TMEM178A: variants seen among roughly 807,000 people sequenced by gnomAD.
TMEM178A encodes transmembrane protein 178.
In TMEM178A, 12 loss-of-function variants were observed where a neutral mutation model predicts 29.1. The ratio of observed to expected loss-of-function variants is 0.41; its 90% CI spans 0.26 to 0.67. The LOEUF (loss-of-function observed/expected upper bound fraction) is 0.67, where lower values mean the gene tolerates loss of function less well. Among genes scored for constraint, TMEM178A ranks in the 30% least tolerant of loss-of-function variants. The pLI, the probability that TMEM178A is intolerant of heterozygous loss-of-function variation, is 0.29. For missense variants in TMEM178A, 366 were observed against 419.1 expected, an observed-to-expected ratio of 0.87 and a Z score of 1.11; for synonymous variants, 210 against 187.2, an observed-to-expected ratio of 1.12 and a Z score of -0.99.
At chr2:39,676,937 TA>T (rs1436427999) in intron 1 of TMEM178A, among the ~76,000 whole-genome samples, 1 of 152,230 alleles carries the variant, frequency 6.6e-6, no homozygotes, top group Non-Finnish European at 1.5e-5. Context: ...TGAGTCTCTT[TA>T]ATCTCTAGAG....
chr2:39,720,428 C>T (rs898701962), downstream of TMEM178A, among the ~76,000 whole-genome samples: 7 of 152,182 alleles, frequency 4.6e-5, no homozygotes, highest in Admixed American at 2.0e-4. Flanking sequence ...CCACCCACTC[C>T]AGATCTTTGC....
the TMEM178A span, among the ~76,000 whole-genome samples, chr2:39,723,981 A>G: frequency 1.3e-5 from 2 of 152,192 alleles, no homozygotes; most frequent in African/African-American, 4.8e-5. Context: ...CTATATTTCT[A>G]AGCCAGAGCA....
the TMEM178A span, among the ~76,000 whole-genome samples, chr2:39,727,897 C>G: frequency 6.6e-6 from 1 of 152,128 alleles, no homozygotes; most frequent in African/African-American, 2.4e-5. Flanking sequence ...TGAACTCATC[C>G]TTTTTTATGG....
chr2:39,715,737 A>G (rs1672507230), intron 3 of TMEM178A, among the ~76,000 whole-genome samples: 1 of 152,194 alleles, frequency 6.6e-6, no homozygotes, highest in South Asian at 2.1e-4. Flanking sequence ...GATTCAGGCA[A>G]CGTGCTCTTA....
At chr2:39,706,912 G>T (rs1354986200) in intron 2 of TMEM178A, 137 bp from the exon 3 acceptor site, 1 of 952,172 alleles carries the variant, frequency 1.1e-6, no homozygotes, top group Admixed American at 3.1e-5. Context: ...TATTCCCTAT[G>T]CCTCCTTGTC....
At chr2:39,727,186 T>C in the TMEM178A span, among the ~76,000 whole-genome samples, 1 of 152,338 alleles carries the variant, frequency 6.6e-6, no homozygotes, top group Non-Finnish European at 1.5e-5. Context: ...GGTATCCTCT[T>C]GCTCCTGCTC....
At chr2:39,723,950 C>G in the TMEM178A span, among the ~76,000 whole-genome samples, 1 of 152,182 alleles carries the variant, frequency 6.6e-6, no homozygotes, top group African/African-American at 2.4e-5. Context: ...AGTTACTGCT[C>G]TATAGTTTTT....
At chr2:39,708,067 C>T (rs1280227519) in intron 3 of TMEM178A, among the ~76,000 whole-genome samples, 3 of 152,092 alleles carry the variant, frequency 2.0e-5, no homozygotes, top group Non-Finnish European at 2.9e-5. Context: ...TGTGGAGAGA[C>T]ATAAACAATG....
intron 1 of TMEM178A, among the ~76,000 whole-genome samples, chr2:39,675,535 G>A (rs888698617): frequency 1.3e-5 from 2 of 152,178 alleles, no homozygotes; most frequent in Non-Finnish European, 2.9e-5. Context: ...TGATTCTGCG[G>A]TATTATTTTG....
intron 1 of TMEM178A, among the ~76,000 whole-genome samples, chr2:39,702,028 A>C (rs1456455705): frequency 2.0e-5 from 3 of 151,814 alleles, no homozygotes; most frequent in Non-Finnish European, 2.9e-5. Context: ...TTGTAAGGTA[A>C]GTTCAATATT....
chr2:39,708,328 TG>T (rs1672132306), intron 3 of TMEM178A, among the ~76,000 whole-genome samples: 2 of 151,310 alleles, frequency 1.3e-5, no homozygotes, highest in East Asian at 3.9e-4. Flanking sequence ...GTCAGGGTTT[TG>T]TTGGTCATGG....
At chr2:39,696,380 G>A (rs878938646) in intron 1 of TMEM178A, among the ~76,000 whole-genome samples, 2 of 152,146 alleles carry the variant, frequency 1.3e-5, no homozygotes, top group Non-Finnish European at 2.9e-5. Context: ...TCTGTATGGC[G>A]AATTGGGCAG....
intron 1 of TMEM178A, among the ~76,000 whole-genome samples, chr2:39,684,396 A>G (rs1164188513): frequency 2.0e-5 from 3 of 152,226 alleles, no homozygotes; most frequent in Non-Finnish European, 2.9e-5. Context: ...TAAACCTGTT[A>G]AAAGATTTGT....
chr2:39,704,437 T>C (rs1671935926), intron 2 of TMEM178A, among the ~76,000 whole-genome samples: 1 of 152,218 alleles, frequency 6.6e-6, no homozygotes, highest in East Asian at 1.9e-4. Context: ...TGGTGGCATC[T>C]GTACACAGCT....
chr2:39,700,125 TTGGA>T (rs1228792435), intron 1 of TMEM178A, among the ~76,000 whole-genome samples: 1 of 152,176 alleles, frequency 6.6e-6, no homozygotes, highest in Non-Finnish European at 1.5e-5. Flanking sequence ...TTTGCTGTTG[TTGGA>T]TGGAGTGTTC....
intron 1 of TMEM178A, among the ~76,000 whole-genome samples, chr2:39,677,564 T>A (rs757257918): frequency 2.4e-4 from 36 of 152,118 alleles, no homozygotes; most frequent in Admixed American, 3.9e-4. Flanking sequence ...ATCTTTGAAA[T>A]TTCTGTGAAG....
intron 1 of TMEM178A, 38 bp downstream of exon 1, chr2:39,666,412 G>T (rs1030426303): frequency 7.8e-7 from 1 of 1,288,240 alleles, no homozygotes; most frequent in Non-Finnish European, 9.8e-7. Context: ...CGGCGCCCGC[G>T]CGTGGAGCGC....
chr2:39,710,631 C>G (rs530551441), intron 3 of TMEM178A, among the ~76,000 whole-genome samples: 2 of 152,268 alleles, frequency 1.3e-5, no homozygotes, highest in East Asian at 1.9e-4. Flanking sequence ...CTGAGACAAC[C>G]ATGTCAATCT....
chr2:39,694,933 G>A (rs1022824942), intron 1 of TMEM178A, among the ~76,000 whole-genome samples: 2 of 152,086 alleles, frequency 1.3e-5, no homozygotes, highest in African/African-American at 4.8e-5. Flanking sequence ...TTTGCCTTTG[G>A]GACTGGTTTA....
Sources: gnomAD v4.1 joint callset for allele counts (sites outside exome capture counted in the v4.1 genomes callset) on GRCh38, gnomAD v4.1.1 for gene constraint, MANE v1.5 for transcripts, NCBI Gene and HGNC (gene_info 2026-07-23, HGNC 2026-07-21) for gene names.